ARHGAP32: variants seen among roughly 807,000 people sequenced by gnomAD.
ARHGAP32 encodes the protein Rho GTPase activating protein 32, also known as rho GTPase-activating protein 32.
ARHGAP32 carries 51 observed loss-of-function variants against 186.5 expected under a neutral mutation model. That is an observed-to-expected ratio of 0.27 (90% confidence interval 0.22 to 0.35). The LOEUF (loss-of-function observed/expected upper bound fraction) is 0.35, where lower values mean the gene tolerates loss of function less well. Ranked by LOEUF, ARHGAP32 falls within the 10% of genes least tolerant of loss-of-function variation. ARHGAP32 has a pLI of 1.00. For synonymous variants in ARHGAP32, 950 were observed against 964.3 expected, an observed-to-expected ratio of 0.99 and a Z score of 0.27; for missense variants, 2,186 against 2,623.5, an observed-to-expected ratio of 0.83 and a Z score of 3.64.
At chr11:129,109,089 T>A (rs1337928214) in intron 5 of ARHGAP32, among the ~76,000 whole-genome samples, 1 of 152,106 alleles carries the variant, frequency 6.6e-6, no homozygotes, top group Admixed American at 6.5e-5. Flanking sequence ...AGACTGTTAT[T>A]CTACTCTCTA....
chr11:129,157,785 C>A (rs1412335479), intron 2 of ARHGAP32, among the ~76,000 whole-genome samples: 1 of 152,062 alleles, frequency 6.6e-6, no homozygotes, highest in Admixed American at 6.5e-5. Flanking sequence ...TTGTCAGATA[C>A]ACCAAGGTTG....
intron 1 of ARHGAP32, among the ~76,000 whole-genome samples, chr11:129,229,971 C>G (rs183545665): frequency 4.6e-5 from 7 of 152,144 alleles, no homozygotes; most frequent in African/African-American, 1.7e-4. Flanking sequence ...CATGCCACCA[C>G]ACCTGGCTAA....
intron 11 of ARHGAP32, among the ~76,000 whole-genome samples, chr11:129,013,003 A>G (rs945151474): frequency 6.6e-6 from 1 of 152,222 alleles, no homozygotes; most frequent in African/African-American, 2.4e-5. Flanking sequence ...GCACAACTGG[A>G]CTTCCCAGGA....
Position 128,969,792 on chromosome 11 carries a change from A to C in ARHGAP32, c.5421T>G (p.Arg1807=), listed in dbSNP as rs1262610399. The C allele has an allele frequency of 6.2e-7, 1 of 1,613,938 alleles. No homozygotes were observed. The highest frequency in any genetic ancestry group is 1.7e-5 in the Admixed American group (1 of 60,006). ...DLGGIYVIHL[R]SKSDPGKTGL... ...CAGTTTTCCCAGGATCTGATTTACT[A>C]CGCAGATGGATGACATAGATCCCAC... The change falls in exon 23 of 23, where the codon CGT becomes CGG. Residue 1807 remains arginine, a synonymous_variant. Coordinates refer to ENST00000682385, the MANE Select transcript of ARHGAP32 (RefSeq NM_001378024.1). This position sits in a 1 kb window ranked among gnomAD's most constrained non-coding sequence, Gnocchi z 4.8.
intron 11 of ARHGAP32, among the ~76,000 whole-genome samples, chr11:129,007,960 C>T (rs1937873268): frequency 6.6e-6 from 1 of 152,126 alleles, no homozygotes; most frequent in East Asian, 1.9e-4. Flanking sequence ...GTAGGCATCA[C>T]CTAAGTTCAA....
At chr11:129,142,092 T>G (rs1171105547) in intron 2 of ARHGAP32, among the ~76,000 whole-genome samples, 3 of 150,088 alleles carry the variant, frequency 2.0e-5, no homozygotes, top group Admixed American at 1.3e-4. Flanking sequence ...TAAAAAAGAT[T>G]TTTTTGTTAA....
intron 2 of ARHGAP32, chr11:129,125,817 T>G: frequency 2.6e-6 from 1 of 379,358 alleles, no homozygotes; most frequent in African/African-American, 2.1e-5. Flanking sequence ...TCTTAGCAAA[T>G]TTAACTATTT....
rs528219317 is a variant in ARHGAP32 at position 129,237,294 on chromosome 11, T to C, written c.-5+41852A>G. On this transcript the variant is annotated intron_variant, in intron 1 of 6. Coordinates refer to the ARHGAP32 transcript ENST00000525234. ...GTTGATGTGAATAGTAAATCTCACATTTAAAGAAATACAAATTTCCCTTTG... is the reference window on the plus strand; with the variant it reads ...GTTGATGTGAATAGTAAATCTCACACTTAAAGAAATACAAATTTCCCTTTG... Among the ~76,000 whole-genome samples, 9 of 152,338 alleles carry C rather than the reference T, an allele frequency of 5.9e-5. No homozygotes were observed. In the South Asian group the frequency reaches 1.9e-3, roughly 32 times the overall value.
At chr11:129,116,044 C>G (rs961102606) in intron 5 of ARHGAP32, among the ~76,000 whole-genome samples, 1 of 152,016 alleles carries the variant, frequency 6.6e-6, no homozygotes, top group Admixed American at 6.6e-5. Flanking sequence ...AGGGAACCAA[C>G]ATAAGTTACT....
At chr11:129,009,769 C>T (rs1466661781) in intron 11 of ARHGAP32, among the ~76,000 whole-genome samples, 2 of 152,066 alleles carry the variant, frequency 1.3e-5, no homozygotes, top group East Asian at 1.9e-4. Context: ...TGTGTCTTTG[C>T]TGTTGTGAAC....
At chr11:129,098,481 C>T (rs1006212376) in intron 5 of ARHGAP32, among the ~76,000 whole-genome samples, 10 of 151,338 alleles carry the variant, frequency 6.6e-5, no homozygotes, top group Middle Eastern at 3.4e-3. Flanking sequence ...TGCAGTGGCG[C>T]GATCTCGGCT....
At chr11:129,164,480 C>G in intron 1 of ARHGAP32, 53 bp from the exon 2 acceptor site, 2 of 1,049,600 alleles carry the variant, frequency 1.9e-6, no homozygotes, top group South Asian at 1.5e-5. Context: ...TCTATGAAAG[C>G]CTTCCAATGA....
At chr11:129,268,162 T>TA (rs1488619898) in intron 1 of ARHGAP32, among the ~76,000 whole-genome samples, 1 of 152,064 alleles carries the variant, frequency 6.6e-6, no homozygotes, top group Non-Finnish European at 1.5e-5. Context: ...AAAAATAATC[T>TA]AAAAACCTTG....
chr11:129,020,520 T>C (rs763775489), intron 11 of ARHGAP32, among the ~76,000 whole-genome samples: 2 of 152,100 alleles, frequency 1.3e-5, no homozygotes, highest in Non-Finnish European at 2.9e-5. Context: ...TGGTCACTTA[T>C]AATATTCTTT....
intron 5 of ARHGAP32, among the ~76,000 whole-genome samples, chr11:129,107,776 G>A (rs1942089073): frequency 6.6e-6 from 1 of 150,460 alleles, no homozygotes; most frequent in South Asian, 2.1e-4. Context: ...GCTGAGGCAG[G>A]AGAACTGCTT....
intron 1 of ARHGAP32, among the ~76,000 whole-genome samples, chr11:129,226,192 G>A (rs951003830): frequency 3.3e-5 from 5 of 152,138 alleles, no homozygotes; most frequent in African/African-American, 1.2e-4. Flanking sequence ...TACAGTGAGA[G>A]GGGAGGAGAG....
chr11:129,178,994 G>C (rs1943985697), intron 1 of ARHGAP32, among the ~76,000 whole-genome samples: 1 of 151,752 alleles, frequency 6.6e-6, no homozygotes, highest in Non-Finnish European at 1.5e-5. Flanking sequence ...ACTACCATCA[G>C]AGTGAACAGG....
At chr11:129,257,788 A>C (rs1194789945) in intron 1 of ARHGAP32, among the ~76,000 whole-genome samples, 1 of 152,060 alleles carries the variant, frequency 6.6e-6, no homozygotes, top group Non-Finnish European at 1.5e-5. Context: ...TGAACAATGA[A>C]ATCTCAGTCT....
chr11:129,086,586 C>A (rs569733185), intron 6 of ARHGAP32, among the ~76,000 whole-genome samples: 2 of 152,080 alleles, frequency 1.3e-5, no homozygotes, highest in Non-Finnish European at 2.9e-5. Context: ...CTTTGGGAGG[C>A]CAAGGCGGGC....
Sources: gnomAD v4.1 joint callset for allele counts (sites outside exome capture counted in the v4.1 genomes callset) on GRCh38, gnomAD v4.1.1 for gene constraint, Gnocchi (gnomAD v3.1) non-coding constraint, MANE v1.5 for transcripts, NCBI Gene and HGNC (gene_info 2026-07-23, HGNC 2026-07-21) for gene names.